Variants in PKP2 observed in about 807,000 individuals in gnomAD.
PKP2 encodes plakophilin-2.
PKP2 carries 73 observed loss-of-function variants against 83.4 expected under a neutral mutation model. The observed-to-expected ratio is 0.88, with a 90% confidence interval of 0.72 to 1.06. The LOEUF (loss-of-function observed/expected upper bound fraction) is 1.06, where lower values mean the gene tolerates loss of function less well. PKP2 is among the 50% of genes least tolerant of loss of function. The probability of loss-of-function intolerance (pLI) is 0.00; values close to 1 mark genes in which losing one functional copy is unlikely to be tolerated. For synonymous variants in PKP2, 409 were observed against 430.4 expected (o/e 0.95, Z 0.62); for missense variants, 966 against 1,065.4 (o/e 0.91, Z 1.30).
chr12:32,843,368 C>T, intron 5 of PKP2: 2 of 1,335,678 alleles, frequency 1.5e-6, no homozygotes, highest in Non-Finnish European at 2.0e-6. Context: ...TTTATGAACA[C>T]AGCAAATGTG....
intron 1 of PKP2, among the ~76,000 whole-genome samples, chr12:32,882,688 G>A (rs1324911586): frequency 2.0e-5 from 3 of 152,204 alleles, no homozygotes; most frequent in Non-Finnish European, 4.4e-5. Flanking sequence ...ACATTTCAAT[G>A]TGACTTTTCC....
intron 5 of PKP2, among the ~76,000 whole-genome samples, chr12:32,849,606 C>T (rs1173949015): frequency 6.6e-6 from 1 of 152,154 alleles, no homozygotes; most frequent in African/African-American, 2.4e-5. Context: ...GGAACATCAA[C>T]AAATCATCTT....
intron 4 of PKP2, among the ~76,000 whole-genome samples, chr12:32,868,600 G>A (rs1019448167): frequency 6.6e-6 from 1 of 151,948 alleles, no homozygotes; most frequent in Non-Finnish European, 1.5e-5. Context: ...TCAGTTCACC[G>A]CAACCTCCGC....
chr12:32,888,066 C>G (rs1203257127), intron 1 of PKP2, among the ~76,000 whole-genome samples: 1 of 152,086 alleles, frequency 6.6e-6, no homozygotes. Context: ...CCTGTAGTCC[C>G]AACTACTCAG....
intron 10 of PKP2, among the ~76,000 whole-genome samples, chr12:32,797,716 G>A (rs1268811): frequency 5.3e-5 from 8 of 150,428 alleles, no homozygotes; most frequent in South Asian, 4.2e-4. Flanking sequence ...CCACCACGCC[G>A]GGCTAATTTT....
Position 32,792,660 on chromosome 12 carries a change from T to A in PKP2, c.2429A>T (p.His810Leu), listed in dbSNP as rs886039193. 2 of 1,613,854 alleles carry A rather than the reference T, an allele frequency of 1.2e-6. No individual in the cohort carries two copies. The highest frequency in any genetic ancestry group is 2.2e-5 in the South Asian group (2 of 91,072). The change falls in exon 12 of 13, where the codon CAT (histidine) becomes CTT (leucine). Residue 810 changes from histidine to leucine, a missense_variant. Coordinates refer to ENST00000340811, the MANE Select transcript of PKP2 (RefSeq NM_001005242.3). ...TGTTCTTACCTTCTTGTAGGCATGA[T>A]GCAGTTCCGTGTGTGCCCACAGAGA... ...LYSLWAHTEL[H>L]HAYKKAQFKK...
At chr12:32,804,215 G>C (rs1956205017) in intron 9 of PKP2, among the ~76,000 whole-genome samples, 1 of 152,150 alleles carries the variant, frequency 6.6e-6, no homozygotes, top group Admixed American at 6.5e-5. Flanking sequence ...CCAGGAACTG[G>C]GTCCTTTAGG....
chr12:32,816,746 A>T (rs568531984), intron 9 of PKP2, among the ~76,000 whole-genome samples: 1 of 152,234 alleles, frequency 6.6e-6, no homozygotes, highest in Middle Eastern at 3.4e-3. Context: ...CCTCACCAGC[A>T]TCTGTTGTTT....
At chr12:32,859,452 CT>C (rs542294237) in intron 4 of PKP2, among the ~76,000 whole-genome samples, 4 of 149,762 alleles carry the variant, frequency 2.7e-5, no homozygotes, top group East Asian at 2.0e-4. Context: ...TTCTCAGTAA[CT>C]TTTTTTTTTG....
At chr12:32,853,631 C>T (rs1456462655) in intron 4 of PKP2, among the ~76,000 whole-genome samples, 1 of 152,042 alleles carries the variant, frequency 6.6e-6, no homozygotes, top group Non-Finnish European at 1.5e-5. Context: ...CTCACTCAGC[C>T]TCCCTAATTG....
intron 5 of PKP2, among the ~76,000 whole-genome samples, chr12:32,847,066 C>G (rs1775054481): frequency 6.6e-6 from 1 of 151,770 alleles, no homozygotes; most frequent in South Asian, 2.1e-4. Flanking sequence ...AAACAGAAAG[C>G]CTTAGCTTAG....
intron 1 of PKP2, among the ~76,000 whole-genome samples, chr12:32,896,062 A>G (rs988042223): frequency 2.6e-5 from 4 of 152,132 alleles, no homozygotes; most frequent in African/African-American, 9.7e-5. Context: ...TTTCCCCAAG[A>G]TATTTATGGG....
intron 6 of PKP2, among the ~76,000 whole-genome samples, 193 bp downstream of exon 6, chr12:32,840,835 A>G (rs1956583482): frequency 6.6e-6 from 1 of 152,202 alleles, no homozygotes; most frequent in South Asian, 2.1e-4. Flanking sequence ...AGGCAGGTAG[A>G]TCACTGTACT....
At chr12:32,836,079 C>T (rs1261234945) in intron 6 of PKP2, among the ~76,000 whole-genome samples, 2 of 152,174 alleles carry the variant, frequency 1.3e-5, no homozygotes, top group African/African-American at 4.8e-5. Context: ...CTGGAGTGTA[C>T]AATTTATTTT....
chr12:32,855,931 G>A (rs1037714513), intron 4 of PKP2, among the ~76,000 whole-genome samples: 8 of 152,008 alleles, frequency 5.3e-5, no homozygotes, highest in African/African-American at 1.9e-4. Flanking sequence ...TAATGAGCCT[G>A]TATTTATTTC....
chr12:32,855,226 C>A (rs1956734537), intron 4 of PKP2, among the ~76,000 whole-genome samples: 1 of 152,106 alleles, frequency 6.6e-6, no homozygotes, highest in Admixed American at 6.6e-5. Context: ...CCATTAACAT[C>A]CAGCAATGGG....
rs547998056 is a variant in PKP2 at position 32,829,124 on chromosome 12, G to C, written c.1557-4962C>G. The stretch of plus-strand genomic sequence containing the variant: ...CTAATTTATTTTTTGTACAGACAGA[G>C]TCTATGTTGCCCAGGCTGGTCTTGA... On this transcript the variant is annotated intron_variant, in intron 6 of 12. Transcript: ENST00000340811. 5.4e-4 allele frequency among the ~76,000 whole-genome samples: 82 copies of C among 152,184 alleles called. 2 individuals carry two copies. Among genetic ancestry groups the C allele is most frequent in the African/African-American group, 1.9e-3 (80 of 41,536 alleles).
intron 10 of PKP2, among the ~76,000 whole-genome samples, chr12:32,799,586 T>C (rs1956160995): frequency 6.6e-6 from 1 of 152,180 alleles, no homozygotes; most frequent in East Asian, 1.9e-4. Context: ...ATACACACCA[T>C]GGAATACTAC....
At chr12:32,795,243 C>T (rs960816399) in intron 11 of PKP2, among the ~76,000 whole-genome samples, 1 of 151,442 alleles carries the variant, frequency 6.6e-6, no homozygotes, top group Non-Finnish European at 1.5e-5. Context: ...TGTGGAATGA[C>T]ATGCATTGGA....
Sources: gnomAD v4.1 joint callset for allele counts (sites outside exome capture counted in the v4.1 genomes callset) on GRCh38, gnomAD v4.1.1 for gene constraint, MANE v1.5 for transcripts, NCBI Gene and HGNC (gene_info 2026-07-23, HGNC 2026-07-21) for gene names.